Variants in RSPH14 observed in about 807,000 individuals in gnomAD.
RSPH14 encodes radial spoke head 14 homolog.
RSPH14 carries 20 observed loss-of-function variants against 26.7 expected under a neutral mutation model. That is an observed-to-expected ratio of 0.75 (90% confidence interval 0.53 to 1.09). The LOEUF is 1.09. Ranked by LOEUF, RSPH14 falls within the 50% of genes least tolerant of loss-of-function variation. The probability of loss-of-function intolerance (pLI) is 0.00; values close to 1 mark genes in which losing one functional copy is unlikely to be tolerated. For synonymous variants in RSPH14, 177 were observed against 189.3 expected, an observed-to-expected ratio of 0.93 and a Z score of 0.53; for missense variants, 449 against 457.2, an observed-to-expected ratio of 0.98 and a Z score of 0.16.
At chr22:23,139,576 G>A (rs1355443258) in intron 2 of RSPH14, among the ~76,000 whole-genome samples, 4 of 152,234 alleles carry the variant, frequency 2.6e-5, no homozygotes, top group South Asian at 2.1e-4. Flanking sequence ...AGCCAAGATC[G>A]TGCCATTGCA....
chr22:23,158,899 C>A, the RSPH14 span: 1 of 1,613,874 alleles, frequency 6.2e-7, no homozygotes, highest in Non-Finnish European at 8.5e-7. Context: ...ACACTCCAGG[C>A]AGTGGTTGGA....
intron 4 of RSPH14, among the ~76,000 whole-genome samples, chr22:23,106,666 T>G (rs2069487952): frequency 6.6e-6 from 1 of 152,194 alleles, no homozygotes; most frequent in Admixed American, 6.5e-5. Flanking sequence ...GACAACAGAA[T>G]AGTGGAAATG....
chr22:23,075,756 T>C (rs1040609933), intron 4 of RSPH14, among the ~76,000 whole-genome samples: 3 of 152,152 alleles, frequency 2.0e-5, no homozygotes, highest in East Asian at 1.9e-4. Context: ...CTCATGGCCA[T>C]GGGGGACCGT....
At chr22:23,178,878 T>C in the RSPH14 span, among the ~76,000 whole-genome samples, 1 of 152,098 alleles carries the variant, frequency 6.6e-6, no homozygotes, top group Non-Finnish European at 1.5e-5. Flanking sequence ...TGAAACAAAA[T>C]CTTTGATGGT....
the RSPH14 span, among the ~76,000 whole-genome samples, chr22:23,178,209 G>A: frequency 6.6e-6 from 1 of 152,132 alleles, no homozygotes; most frequent in Non-Finnish European, 1.5e-5. Context: ...GAGGTCAGGA[G>A]TTCAAGACCA....
At chr22:23,112,059 G>A (rs551905200) in intron 4 of RSPH14, among the ~76,000 whole-genome samples, 141 of 152,302 alleles carry the variant, frequency 9.3e-4, no homozygotes, top group African/African-American at 3.3e-3. Flanking sequence ...GGAAAGGACA[G>A]GCACTGCCCC....
chr22:23,146,648 C>G, upstream of RSPH14: 3 of 1,614,088 alleles, frequency 1.9e-6, no homozygotes, highest in Non-Finnish European at 2.5e-6. Context: ...TTGGGGCCCC[C>G]TGTGAGCCGC....
At chr22:23,166,526 A>G in the RSPH14 span, among the ~76,000 whole-genome samples, 2 of 152,084 alleles carry the variant, frequency 1.3e-5, no homozygotes, top group Non-Finnish European at 2.9e-5. Flanking sequence ...GTGCTTCCTC[A>G]AGAAAGCCTG....
chr22:23,167,469 C>T, the RSPH14 span, among the ~76,000 whole-genome samples: 2 of 152,194 alleles, frequency 1.3e-5, no homozygotes, highest in African/African-American at 4.8e-5. Flanking sequence ...CCCCTCCTCC[C>T]AGCCCTGCTG....
the RSPH14 span, chr22:23,158,748 G>A: frequency 1.2e-5 from 8 of 690,080 alleles, no homozygotes; most frequent in Non-Finnish European, 2.0e-5. Context: ...TGGAGGTGCA[G>A]CATCCTGCTC....
the RSPH14 span, among the ~76,000 whole-genome samples, chr22:23,171,230 T>A: frequency 6.6e-6 from 1 of 152,142 alleles, no homozygotes; most frequent in African/African-American, 2.4e-5. Context: ...CCTCCCAAAG[T>A]GCTGGGATTA....
At chr22:23,173,629 G>GTTTTTT in the RSPH14 span, among the ~76,000 whole-genome samples, 15 of 85,522 alleles carry the variant, frequency 1.8e-4, no homozygotes, top group Non-Finnish European at 2.3e-4. Context: ...TTGGTTTTTT[G>GTTTTTT]TTTTTTGTTT....
At chr22:23,091,843 C>T (rs182464850) in intron 4 of RSPH14, among the ~76,000 whole-genome samples, 13 of 152,322 alleles carry the variant, frequency 8.5e-5, no homozygotes, top group African/African-American at 3.1e-4. Flanking sequence ...CTGCCCCTTC[C>T]TCTTGCCTGG....
At position 23,070,060 on chromosome 22, in the gene RSPH14, C is replaced by T. The variant is rs1055501594; in HGVS notation, c.422-5927G>A. 2.0e-5 allele frequency among the ~76,000 whole-genome samples: 3 copies of T among 152,284 alleles called. No homozygotes were observed. The South Asian group carries it at 6.2e-4, about 32-fold the overall frequency. ...CCCCTGGGGCTCGGCTACCAGGCCT[C>T]AGCGCAGCGGAGTCGGTGGAACGCC... is the stretch of plus-strand genomic sequence containing the variant. On this transcript the variant is annotated intron_variant, in intron 4 of 6. Transcript: ENST00000216036.
At chr22:23,080,994 A>T (rs1485670291) in intron 4 of RSPH14, among the ~76,000 whole-genome samples, 2 of 152,106 alleles carry the variant, frequency 1.3e-5, no homozygotes, top group African/African-American at 4.8e-5. Flanking sequence ...GTCCGTTGTG[A>T]TTGTCCCAAA....
At position 23,120,835 on chromosome 22, in the gene RSPH14, G is replaced by T. The variant is rs377152374; in HGVS notation, c.421+13191C>A. The stretch of plus-strand genomic sequence containing the variant: ...ATCACCTGGCATGAGAGCTGATGTG[G>T]ACTCAGGGCGCGCTCAGCAAGTGTT... On this transcript the variant is annotated intron_variant, in intron 4 of 6. Coordinates refer to ENST00000216036, the MANE Select transcript of RSPH14 (RefSeq NM_014433.3). 5.9e-5 allele frequency among the ~76,000 whole-genome samples: 9 copies of T among 152,308 alleles called. No individual in the cohort carries two copies. The East Asian group carries it at 1.4e-3, about 23-fold the overall frequency.
intron 4 of RSPH14, among the ~76,000 whole-genome samples, chr22:23,066,790 G>C (rs1224128853): frequency 6.6e-6 from 1 of 152,102 alleles, no homozygotes; most frequent in Non-Finnish European, 1.5e-5. Flanking sequence ...AGGACAGGTG[G>C]GGCACAGAGA....
chr22:23,175,565 G>A, the RSPH14 span, among the ~76,000 whole-genome samples: 18 of 150,420 alleles, frequency 1.2e-4, no homozygotes, highest in East Asian at 8.0e-4. Context: ...CAAGTGACCC[G>A]CCCGCCTAGC....
intron 4 of RSPH14, among the ~76,000 whole-genome samples, chr22:23,072,051 G>C (rs556588740): frequency 6.6e-6 from 1 of 152,286 alleles, no homozygotes; most frequent in South Asian, 2.1e-4. Context: ...ATGACCCCAT[G>C]AGCTGGGGTG....
Sources: gnomAD v4.1 joint callset for allele counts (sites outside exome capture counted in the v4.1 genomes callset) on GRCh38, gnomAD v4.1.1 for gene constraint, MANE v1.5 for transcripts, NCBI Gene and HGNC (gene_info 2026-07-23, HGNC 2026-07-21) for gene names.